Variants in DDX10 observed in about 807,000 individuals in gnomAD.
DDX10 encodes the protein DEAD-box helicase 10.
A neutral mutation model predicts 104.3 loss-of-function variants in DDX10; 74 were observed. That is an observed-to-expected ratio of 0.71 (90% CI 0.59 to 0.86). The LOEUF (loss-of-function observed/expected upper bound fraction) is 0.86, where lower values mean the gene tolerates loss of function less well. DDX10 is among the 40% of genes least tolerant of loss of function. The probability of loss-of-function intolerance (pLI) is 0.00; values close to 1 mark genes in which losing one functional copy is unlikely to be tolerated. For synonymous variants in DDX10, 351 were observed against 353.4 expected (o/e 0.99, Z 0.08); for missense variants, 952 against 1,040.0 (o/e 0.92, Z 1.16).
At chr11:108,812,846 G>T (rs1477399259) in intron 13 of DDX10, among the ~76,000 whole-genome samples, 32 of 151,982 alleles carry the variant, frequency 2.1e-4, no homozygotes, top group Admixed American at 2.0e-3. Context: ...GCCGGGCATG[G>T]TGGCACATGT....
chr11:108,928,057 T>TTG (rs1222860364), intron 17 of DDX10, among the ~76,000 whole-genome samples: 6 of 152,218 alleles, frequency 3.9e-5, no homozygotes, highest in Non-Finnish European at 7.3e-5. Context: ...AATTCACACA[T>TTG]CATTTAAAGT....
At chr11:108,723,884 G>A (rs530224945) in intron 13 of DDX10, among the ~76,000 whole-genome samples, 5 of 152,210 alleles carry the variant, frequency 3.3e-5, no homozygotes, top group Non-Finnish European at 5.9e-5. Context: ...TGCGACATTT[G>A]TTTATGGGAA....
chr11:108,872,311 A>G (rs1863093351), intron 16 of DDX10, among the ~76,000 whole-genome samples: 2 of 152,190 alleles, frequency 1.3e-5, no homozygotes, highest in South Asian at 2.1e-4. Flanking sequence ...CTTTAAGATC[A>G]TTGTGTTCTA....
intron 13 of DDX10, among the ~76,000 whole-genome samples, chr11:108,785,712 G>GCTCCAGTGTTGGGTGTGTA (rs1861781892): frequency 6.6e-6 from 1 of 152,052 alleles, no homozygotes; most frequent in Admixed American, 6.6e-5. Context: ...TCTAATTTGT[G>GCTCCAGTGTTGGGTGTGTA]TATGTAAAGG....
intron 6 of DDX10, among the ~76,000 whole-genome samples, chr11:108,686,808 A>G (rs1352972140): frequency 6.6e-6 from 1 of 152,170 alleles, no homozygotes; most frequent in Non-Finnish European, 1.5e-5. Flanking sequence ...TTTTTGAGAC[A>G]GAGTCTTGCT....
At chr11:108,908,356 G>A (rs897871685) in intron 16 of DDX10, among the ~76,000 whole-genome samples, 22 of 151,932 alleles carry the variant, frequency 1.4e-4, no homozygotes, top group Admixed American at 2.6e-4. Flanking sequence ...ATTCCTTGTC[G>A]GAATCAAAAA....
intron 13 of DDX10, among the ~76,000 whole-genome samples, chr11:108,756,882 A>G (rs2094345026): frequency 6.6e-6 from 1 of 152,032 alleles, no homozygotes; most frequent in Non-Finnish European, 1.5e-5. Flanking sequence ...GTTATCACAT[A>G]CTTTTGGTCT....
intron 16 of DDX10, among the ~76,000 whole-genome samples, chr11:108,853,486 A>G (rs1420159226): frequency 6.6e-6 from 1 of 152,062 alleles, no homozygotes; most frequent in Non-Finnish European, 1.5e-5. Context: ...ATATTTGTAT[A>G]TATATTACTA....
chr11:108,884,074 A>G (rs944131286), intron 16 of DDX10, among the ~76,000 whole-genome samples: 1 of 152,082 alleles, frequency 6.6e-6, no homozygotes, highest in African/African-American at 2.4e-5. Flanking sequence ...CTAAATTTCT[A>G]TCTCTAGCTG....
intron 16 of DDX10, among the ~76,000 whole-genome samples, chr11:108,879,066 C>T (rs551778162): frequency 5.4e-4 from 82 of 152,168 alleles, no homozygotes; most frequent in African/African-American, 1.6e-3. Context: ...TGCAGTGGCG[C>T]GATCTCGGCT....
At chr11:108,813,674 C>T (rs973197847) in intron 13 of DDX10, among the ~76,000 whole-genome samples, 9 of 152,000 alleles carry the variant, frequency 5.9e-5, no homozygotes, top group African/African-American at 2.2e-4. Flanking sequence ...AGAATAAACC[C>T]TGGGAGAATT....
chr11:108,920,743 A>G (rs148411380), intron 17 of DDX10: 376 of 152,374 alleles, frequency 2.5e-3, no homozygotes, highest in Middle Eastern at 0.017. Flanking sequence ...TGGACTAACC[A>G]TAAGATAGAC....
intron 13 of DDX10, among the ~76,000 whole-genome samples, chr11:108,757,418 G>A (rs994568680): frequency 6.6e-6 from 1 of 151,910 alleles, no homozygotes; most frequent in African/African-American, 2.4e-5. Context: ...TATGGGATTT[G>A]GAAACAGTTG....
intron 13 of DDX10, among the ~76,000 whole-genome samples, chr11:108,768,348 A>G (rs975266169): frequency 2.6e-5 from 4 of 152,184 alleles, no homozygotes; most frequent in Admixed American, 6.5e-5. Flanking sequence ...AGATTTTTCT[A>G]TCTATACATT....
At chr11:108,880,654 G>A (rs1434137498) in intron 16 of DDX10, among the ~76,000 whole-genome samples, 1 of 152,128 alleles carries the variant, frequency 6.6e-6, no homozygotes, top group Non-Finnish European at 1.5e-5. Context: ...AGGCACTTCG[G>A]CAAAAGGAAG....
At chr11:108,705,994 C>T (rs1303661985) in intron 9 of DDX10, among the ~76,000 whole-genome samples, 4 of 151,504 alleles carry the variant, frequency 2.6e-5, no homozygotes, top group African/African-American at 4.9e-5. Flanking sequence ...TTTTTTGAGA[C>T]GGAATCTTGC....
At chr11:108,798,517 C>CTA (rs1861976687) in intron 13 of DDX10, among the ~76,000 whole-genome samples, 1 of 152,336 alleles carries the variant, frequency 6.6e-6, no homozygotes, top group South Asian at 2.1e-4. Context: ...TTTGGCTACT[C>CTA]TAGATACCAC....
intron 13 of DDX10, among the ~76,000 whole-genome samples, chr11:108,792,859 T>C (rs1281750057): frequency 6.6e-6 from 1 of 152,204 alleles, no homozygotes; most frequent in Non-Finnish European, 1.5e-5. Flanking sequence ...TTTCTGATCC[T>C]ATATTTCCAT....
chr11:108,940,245 G>A lies in DDX10; in HGVS notation c.2451-1G>A. 7 of 1,613,638 alleles carry A rather than the reference G, an allele frequency of 4.3e-6. No homozygotes were observed. The highest frequency in any genetic ancestry group is 1.7e-4 in the Middle Eastern group (1 of 6,060). ...TAAATCTTTGGATTTCTTCTCACCA[G>A]TGATACCAAGAAGAAGCAGGGGATG... On this transcript the variant is annotated splice_acceptor_variant, in intron 17 of 17. Coordinates refer to ENST00000322536, the MANE Select transcript of DDX10 (RefSeq NM_004398.4). LOFTEE classifies it high-confidence loss of function.
Sources: allele counts gnomAD v4.1 joint callset (sites outside exome capture counted in the v4.1 genomes callset), GRCh38; gene constraint gnomAD v4.1.1; transcripts MANE v1.5; gene names NCBI Gene and HGNC (gene_info 2026-07-23, HGNC 2026-07-21).